FSIP1: variants seen among roughly 807,000 people sequenced by gnomAD.
The protein encoded by FSIP1 is fibrous sheath-interacting protein 1.
Under a neutral mutation model 60.9 loss-of-function variants are expected in FSIP1, and 65 were observed. That is an observed-to-expected ratio of 1.07 (90% CI 0.87 to 1.31). The LOEUF (loss-of-function observed/expected upper bound fraction) is 1.31. Ranked by LOEUF, FSIP1 falls within the 40% of genes most tolerant of loss-of-function variation. The probability of loss-of-function intolerance (pLI) is 0.00; values close to 1 mark genes in which losing one functional copy is unlikely to be tolerated. For missense variants in FSIP1, 675 were observed against 665.5 expected (o/e 1.01, Z -0.16); for synonymous variants, 209 against 221.2 (o/e 0.94, Z 0.49).
intron 10 of FSIP1, among the ~76,000 whole-genome samples, chr15:39,648,170 A>T (rs1377382439): frequency 1.1e-5 from 1 of 91,618 alleles, no homozygotes; most frequent in African/African-American, 6.9e-5. Context: ...AAGTATAATA[A>T]AAAAAAAAAG....
intron 10 of FSIP1, among the ~76,000 whole-genome samples, chr15:39,674,733 T>A (rs1248055656): frequency 2.0e-5 from 3 of 152,216 alleles, no homozygotes; most frequent in African/African-American, 7.2e-5. Flanking sequence ...ATCTTTAAAA[T>A]GTTTAGTGGA....
chr15:39,603,162 AG>A (rs1301329899), intron 11 of FSIP1, among the ~76,000 whole-genome samples: 1 of 152,242 alleles, frequency 6.6e-6, no homozygotes, highest in East Asian at 1.9e-4. Context: ...AACTTAGAAA[AG>A]CATCTAATAC....
intron 10 of FSIP1, among the ~76,000 whole-genome samples, chr15:39,671,593 G>A (rs1390862219): frequency 6.6e-6 from 1 of 152,178 alleles, no homozygotes; most frequent in Non-Finnish European, 1.5e-5. Context: ...AAGGGAGTAA[G>A]TTTATTTTTC....
intron 10 of FSIP1, among the ~76,000 whole-genome samples, chr15:39,627,789 G>A (rs899191048): frequency 6.6e-6 from 1 of 152,210 alleles, no homozygotes; most frequent in Non-Finnish European, 1.5e-5. Context: ...CACTTCTCTT[G>A]TTCCCCACTT....
intron 8 of FSIP1, among the ~76,000 whole-genome samples, chr15:39,728,073 T>C (rs1272087816): frequency 6.6e-6 from 1 of 152,116 alleles, no homozygotes; most frequent in Non-Finnish European, 1.5e-5. Context: ...GGAATACAGC[T>C]AACCAGGGAG....
At chr15:39,768,733 T>C (rs948344097) in intron 3 of FSIP1, among the ~76,000 whole-genome samples, 4 of 152,356 alleles carry the variant, frequency 2.6e-5, no homozygotes, top group African/African-American at 9.6e-5. Context: ...ACAGTCTTCT[T>C]TGATACTACA....
chr15:39,686,123 C>T (rs899772227), intron 10 of FSIP1, among the ~76,000 whole-genome samples: 4 of 152,098 alleles, frequency 2.6e-5, no homozygotes, highest in South Asian at 2.1e-4. Flanking sequence ...ATAGGCTAAC[C>T]GAATTCACCA....
chr15:39,728,497 ATCTGAT>A (rs1896283597), intron 8 of FSIP1, among the ~76,000 whole-genome samples: 1 of 152,180 alleles, frequency 6.6e-6, no homozygotes, highest in Non-Finnish European at 1.5e-5. Flanking sequence ...ACCTACAACC[ATCTGAT>A]CTTCAACAAA....
chr15:39,741,230 A>T lies in FSIP1; in HGVS notation c.655+575T>A, dbSNP rs554721613. 7.2e-5 allele frequency among the ~76,000 whole-genome samples: 11 copies of T among 152,366 alleles called. No individual in the cohort carries two copies. The East Asian group carries it at 2.1e-3, about 29-fold the overall frequency. On this transcript the variant is annotated intron_variant, in intron 6 of 11. Transcript: ENST00000350221. ...ATTTATCACAGAGCTCCTTTAAAAC[A>T]TATTTCTAATAAACAGTAGGGAAAA...
At chr15:39,763,430 C>A (rs1897573584) in intron 5 of FSIP1, among the ~76,000 whole-genome samples, 1 of 151,984 alleles carries the variant, frequency 6.6e-6, no homozygotes, top group Non-Finnish European at 1.5e-5. Flanking sequence ...CTGTGAGAGA[C>A]CAGGAAATAG....
In FSIP1 at chr15:39,624,891, G is replaced by A. The variant is rs567954709; in HGVS notation, c.1189-6646C>T. ...CTATGTAAACCACCATCAAGAGTGA[G>A]GGTTGAGGCAAGGCTGTAAACAGGA... On this transcript the variant is annotated intron_variant, in intron 10 of 11. Transcript: ENST00000350221. Among the ~76,000 whole-genome samples, 8 of 152,336 alleles carry A rather than the reference G, an allele frequency of 5.3e-5. No homozygotes were observed. The East Asian group carries it at 9.6e-4, about 18-fold the overall frequency.
intron 10 of FSIP1, among the ~76,000 whole-genome samples, chr15:39,706,702 G>C (rs1895286492): frequency 6.6e-6 from 1 of 152,122 alleles, no homozygotes. Flanking sequence ...TAAATACTGT[G>C]TGTTACAAAA....
At position 39,749,263 on chromosome 15, in the gene FSIP1, C is replaced by CA. The variant is rs3065148; in HGVS notation, c.560-7364dup. ...AATACCAATACTTCTTAAACTCTTCCAAAAAAAAAAAAACCAGGCTAGAGG... is the reference window on the plus strand; with the variant it reads ...AATACCAATACTTCTTAAACTCTTCCAAAAAAAAAAAAAACCAGGCTAGAGG... On this transcript the variant is annotated intron_variant, in intron 5 of 11. Coordinates refer to ENST00000350221, the MANE Select transcript of FSIP1 (RefSeq NM_152597.5). Among the ~76,000 whole-genome samples the CA allele has an allele frequency of 3.1e-3, 309 of 98,300 alleles. 10 individuals are homozygous for CA. The highest frequency in any genetic ancestry group is 6.4e-3 in the South Asian group (21 of 3,288). 64.5% of individuals were successfully genotyped at this position (98,300 alleles called of 152,430 possible).
intron 5 of FSIP1, among the ~76,000 whole-genome samples, chr15:39,755,616 T>C (rs753608069): frequency 6.6e-6 from 1 of 152,148 alleles, no homozygotes; most frequent in African/African-American, 2.4e-5. Flanking sequence ...CTCTACCCTC[T>C]GCATATCAGA....
At chr15:39,602,277 A>T (rs1595521009) in intron 11 of FSIP1, 1 of 455,142 alleles carries the variant, frequency 2.2e-6, no homozygotes, top group Non-Finnish European at 4.4e-6. Flanking sequence ...TGACGTGGCC[A>T]CAAAGCCAGG....
At chr15:39,669,716 C>T (rs1893642272) in intron 10 of FSIP1, among the ~76,000 whole-genome samples, 1 of 152,182 alleles carries the variant, frequency 6.6e-6, no homozygotes, top group African/African-American at 2.4e-5. Context: ...TAAATTGGGA[C>T]ATCTAATATA....
chr15:39,655,153 G>GT (rs1159679373), intron 10 of FSIP1, among the ~76,000 whole-genome samples: 1 of 152,080 alleles, frequency 6.6e-6, no homozygotes, highest in African/African-American at 2.4e-5. Context: ...AGTTTTCCCA[G>GT]TATCTGTTTT....
Position 39,713,443 on chromosome 15 carries a change from C to A in FSIP1, c.1188+1G>T. The A allele has an allele frequency of 1.9e-6, 3 of 1,588,448 alleles. No homozygotes were observed. Among genetic ancestry groups the A allele is most frequent in the Non-Finnish European group, 2.6e-6 (3 of 1,172,168 alleles). ...AAATTAATTAAAACAAAAAGACTTA[C>A]CACATTTTCCTTCATCATTTTCAGC... On this transcript the variant is annotated splice_donor_variant, in intron 10 of 11. Transcript: ENST00000350221. LOFTEE classifies it high-confidence loss of function.
chr15:39,626,052 G>A (rs1891625807), intron 10 of FSIP1, among the ~76,000 whole-genome samples: 1 of 152,134 alleles, frequency 6.6e-6, no homozygotes, highest in Non-Finnish European at 1.5e-5. Context: ...TAGTCAAGGA[G>A]GCCATTAGCT....
Sources: allele counts gnomAD v4.1 joint callset (sites outside exome capture counted in the v4.1 genomes callset), GRCh38; gene constraint gnomAD v4.1.1; transcripts MANE v1.5; gene names NCBI Gene and HGNC (gene_info 2026-07-23, HGNC 2026-07-21).